The following UBE2G1 variants were observed in gnomAD, a reference collection of about 807,000 sequenced individuals.
UBE2G1 encodes the protein ubiquitin conjugating enzyme E2 G1.
UBE2G1 carries 5 observed loss-of-function variants against 22.7 expected under a neutral mutation model. The observed-to-expected ratio is 0.22, with a 90% CI of 0.12 to 0.46. The LOEUF (loss-of-function observed/expected upper bound fraction) is 0.46. Ranked by LOEUF, UBE2G1 falls within the 20% of genes least tolerant of loss-of-function variation. The probability of loss-of-function intolerance (pLI) is 0.99; values close to 1 mark genes in which losing one functional copy is unlikely to be tolerated. For missense variants in UBE2G1, 88 were observed against 203.9 expected (o/e 0.43, Z 3.46); for synonymous variants, 74 against 67.5 (o/e 1.10, Z -0.47).
At chr17:4,350,033 C>T (rs1429164224) in intron 1 of UBE2G1, among the ~76,000 whole-genome samples, 1 of 152,128 alleles carries the variant, frequency 6.6e-6, no homozygotes, top group Non-Finnish European at 1.5e-5. Context: ...AGCAATCCTC[C>T]TGCCTCGGCC....
rs565737052 is a variant in UBE2G1 at position 4,271,454 on chromosome 17, G to C, written c.*1100C>G. 6.6e-6 allele frequency: 1 copy of C among 152,410 alleles called. No homozygotes were observed. Among genetic ancestry groups the C allele is most frequent in the South Asian group, 2.1e-4 (1 of 4,808 alleles). The allele number at this position is 152,410 out of a possible 1,614,324, so 9.4% of individuals were successfully genotyped here. ...AATTATTGAAAAAAAATTATATTTTGGAAGAACTCACTACATAAGGTGACA... is the reference window on the plus strand; with the variant it reads ...AATTATTGAAAAAAAATTATATTTTCGAAGAACTCACTACATAAGGTGACA... On this transcript the variant is annotated 3_prime_UTR_variant, in exon 6 of 6. Coordinates refer to ENST00000396981, the MANE Select transcript of UBE2G1 (RefSeq NM_003342.5).
intron 2 of UBE2G1, among the ~76,000 whole-genome samples, chr17:4,304,581 C>G (rs1414648979): frequency 6.6e-6 from 1 of 152,170 alleles, no homozygotes; most frequent in Non-Finnish European, 1.5e-5. Context: ...GGTTATCAAT[C>G]ACATAGACTG....
chr17:4,279,250 G>A (rs1201143925), intron 5 of UBE2G1, among the ~76,000 whole-genome samples: 3 of 147,724 alleles, frequency 2.0e-5, no homozygotes, highest in Non-Finnish European at 3.0e-5. Flanking sequence ...ACTCCAGCCT[G>A]GGCAATGAGA....
chr17:4,274,611 C>T (rs1439430093), intron 5 of UBE2G1, among the ~76,000 whole-genome samples: 1 of 152,188 alleles, frequency 6.6e-6, no homozygotes, highest in East Asian at 1.9e-4. Context: ...AGAACGACTG[C>T]TATATGTCTT....
At chr17:4,283,625 T>C (rs1051378400) in intron 4 of UBE2G1, among the ~76,000 whole-genome samples, 1 of 152,162 alleles carries the variant, frequency 6.6e-6, no homozygotes, top group Non-Finnish European at 1.5e-5. Context: ...ATTGAGATGA[T>C]ACTAAGTACC....
rs200528729 is a variant in UBE2G1 at position 4,335,169 on chromosome 17, A to G, written c.47-28046T>C. On this transcript the variant is annotated intron_variant, in intron 1 of 5. Transcript: ENST00000396981. ...AAAATGAATGCATATTAAAAGGTGTATAAGAAAATATTCCTGAATCTGCAG... is the reference window on the plus strand; with the variant it reads ...AAAATGAATGCATATTAAAAGGTGTGTAAGAAAATATTCCTGAATCTGCAG... The G allele has an allele frequency of 3.9e-5, 6 of 152,326 alleles. No homozygotes were observed. The East Asian group carries it at 1.2e-3, about 29-fold the overall frequency. The allele number at this position is 152,326 out of a possible 1,614,324, so 9.4% of individuals were successfully genotyped here.
chr17:4,301,918 C>A (rs1027577765), intron 2 of UBE2G1: 19 of 488,782 alleles, frequency 3.9e-5, no homozygotes, highest in South Asian at 1.6e-5. Context: ...GTCACACAAC[C>A]CCTGGGGTCA....
intron 4 of UBE2G1, among the ~76,000 whole-genome samples, chr17:4,285,929 G>A (rs577377057): frequency 8.1e-5 from 12 of 147,862 alleles, no homozygotes; most frequent in African/African-American, 2.7e-4. Context: ...CCAGCCTGGC[G>A]ACAGAGCGAG....
intron 1 of UBE2G1, among the ~76,000 whole-genome samples, chr17:4,356,025 TTTC>T (rs1714734207): frequency 7.0e-6 from 1 of 143,740 alleles, no homozygotes; most frequent in South Asian, 2.3e-4. Flanking sequence ...ATTCCTTTAC[TTTC>T]TTAATAAACT....
intron 5 of UBE2G1, among the ~76,000 whole-genome samples, chr17:4,279,256 TGA>T (rs1266071393): frequency 6.7e-5 from 9 of 135,000 alleles, no homozygotes; most frequent in Non-Finnish European, 9.3e-5. Context: ...GCCTGGGCAA[TGA>T]GAGTGAAACT....
At chr17:4,344,074 C>T (rs1041233595) in intron 1 of UBE2G1, among the ~76,000 whole-genome samples, 1 of 152,294 alleles carries the variant, frequency 6.6e-6, no homozygotes, top group South Asian at 2.1e-4. Context: ...TAAAACAGCA[C>T]TAAGTCCTTC....
rs140517723 is a variant in UBE2G1 at position 4,318,378 on chromosome 17, AC to A, written c.47-11256del. Among the ~76,000 whole-genome samples, 939 of 152,244 alleles carry A rather than the reference AC, an allele frequency of 6.2e-3. 5 individuals are homozygous for A. The highest frequency in any genetic ancestry group is 0.021 in the African/African-American group (884 of 41,530). On this transcript the variant is annotated intron_variant, in intron 1 of 5. Transcript: ENST00000396981. ...AGGACTGCCAAACAAGGCCCCCGGT[AC>A]CCCAAGGCCACAGGAGGGAGTGGTT...
chr17:4,304,635 G>A (rs959397043), intron 2 of UBE2G1, among the ~76,000 whole-genome samples: 1 of 152,072 alleles, frequency 6.6e-6, no homozygotes, highest in African/African-American at 2.4e-5. Flanking sequence ...GAGGGCTAAT[G>A]ATGGCACAGA....
At chr17:4,295,873 T>G (rs938755836) in intron 3 of UBE2G1, among the ~76,000 whole-genome samples, 1 of 148,126 alleles carries the variant, frequency 6.8e-6, no homozygotes, top group Admixed American at 6.8e-5. Flanking sequence ...CCGTGTGGAT[T>G]TGAAGTGGTA....
intron 5 of UBE2G1, among the ~76,000 whole-genome samples, chr17:4,280,909 A>T (rs1439949177): frequency 6.6e-6 from 1 of 152,210 alleles, no homozygotes; most frequent in East Asian, 1.9e-4. Context: ...CTGGGATTAC[A>T]GGTGTGAGCC....
At chr17:4,301,871 C>A (rs1969184343) in intron 2 of UBE2G1, 3 of 500,384 alleles carry the variant, frequency 6.0e-6, no homozygotes. Context: ...CGTGAGTTGG[C>A]TGTATTCTAA....
chr17:4,309,599 A>G (rs9303185), intron 1 of UBE2G1, among the ~76,000 whole-genome samples: 89,170 of 152,096 alleles, frequency 0.59, 27,845 homozygotes, highest in East Asian at 0.8. Context: ...TCAACTGAGG[A>G]ACAGAGTGCA....
intron 5 of UBE2G1, among the ~76,000 whole-genome samples, chr17:4,282,295 C>A (rs1968903544): frequency 6.6e-6 from 1 of 152,074 alleles, no homozygotes; most frequent in South Asian, 2.1e-4. Flanking sequence ...GTTGTCCAGG[C>A]TAGTCTCAAA....
intron 5 of UBE2G1, among the ~76,000 whole-genome samples, chr17:4,276,396 C>T (rs1345049028): frequency 6.6e-6 from 1 of 151,958 alleles, no homozygotes; most frequent in Admixed American, 6.6e-5. Flanking sequence ...TCTCAAACTC[C>T]CACCCACCGA....
Sources: allele counts gnomAD v4.1 joint callset (sites outside exome capture counted in the v4.1 genomes callset), GRCh38; gene constraint gnomAD v4.1.1; transcripts MANE v1.5; gene names NCBI Gene and HGNC (gene_info 2026-07-23, HGNC 2026-07-21).